PHLDB2: variants seen among roughly 807,000 people sequenced by gnomAD.
The protein encoded by PHLDB2 is pleckstrin homology-like domain family B member 2.
In PHLDB2, 71 loss-of-function variants were observed where a neutral mutation model predicts 123.6. That is an observed-to-expected ratio of 0.57 (90% confidence interval 0.47 to 0.70). PHLDB2 has a LOEUF of 0.70. PHLDB2 is among the 30% of genes least tolerant of loss of function. The probability of loss-of-function intolerance (pLI) is 0.00; values close to 1 mark genes in which losing one functional copy is unlikely to be tolerated. For missense variants in PHLDB2, 1,446 were observed against 1,519.5 expected, an observed-to-expected ratio of 0.95 and a Z score of 0.80; for synonymous variants, 547 against 541.6, an observed-to-expected ratio of 1.01 and a Z score of -0.14.
At chr3:111,919,295 G>A in intron 4 of PHLDB2, 80 bp downstream of exon 4, 1 of 1,449,392 alleles carries the variant, frequency 6.9e-7, no homozygotes, top group Non-Finnish European at 9.6e-7. Context: ...AATAGGCTTT[G>A]GAGGCCAGAT....
At chr3:111,918,544 C>G (rs973350525) in intron 3 of PHLDB2, among the ~76,000 whole-genome samples, 23 of 152,186 alleles carry the variant, frequency 1.5e-4, no homozygotes, top group African/African-American at 5.3e-4. Flanking sequence ...AATACATAAG[C>G]ATGAATGCTC....
chr3:111,902,318 A>G (rs2107452348), intron 2 of PHLDB2, among the ~76,000 whole-genome samples: 1 of 152,290 alleles, frequency 6.6e-6, no homozygotes, highest in East Asian at 1.9e-4. Flanking sequence ...TAGGCTGGGC[A>G]TGGTAGCTCA....
chr3:111,958,246 CTCT>C lies in PHLDB2; in HGVS notation c.2873-3855_2873-3853del, dbSNP rs1559922650. The C allele has an allele frequency of 6.1e-6, 6 of 986,512 alleles. No individual in the cohort carries two copies. The East Asian group carries it at 3.4e-4, about 56-fold the overall frequency. 61.1% of individuals were successfully genotyped at this position (986,512 alleles called of 1,614,324 possible). A position where few individuals can be genotyped will look rare whatever the true frequency, so the allele number is the denominator to read the frequency against. On this transcript the variant is annotated intron_variant, in intron 12 of 17. Transcript: ENST00000431670. ...CTTCATTCCTGACTTGTCCTGTGCC[CTCT>C]TCTTCTGGCTGTGGACTGTCATTAG...
intron 1 of PHLDB2, among the ~76,000 whole-genome samples, chr3:111,834,582 T>G (rs1015519986): frequency 6.6e-6 from 1 of 151,794 alleles, no homozygotes; most frequent in Admixed American, 6.6e-5. Flanking sequence ...CAAACAAGGA[T>G]GCAGTAAATA....
chr3:111,893,464 C>T (rs2107386188), intron 2 of PHLDB2, among the ~76,000 whole-genome samples: 1 of 152,098 alleles, frequency 6.6e-6, no homozygotes, highest in East Asian at 1.9e-4. Flanking sequence ...AACTTAGTGG[C>T]TCAAGACTTT....
At chr3:111,861,851 G>A (rs139199795) in intron 1 of PHLDB2, among the ~76,000 whole-genome samples, 396 of 152,226 alleles carry the variant, frequency 2.6e-3, no homozygotes, top group African/African-American at 9.3e-3. Flanking sequence ...TTTCTTCAAA[G>A]CTCCATTTTG....
intron 1 of PHLDB2, among the ~76,000 whole-genome samples, chr3:111,740,404 T>A (rs1044637060): frequency 2.6e-5 from 4 of 152,120 alleles, no homozygotes; most frequent in Non-Finnish European, 4.4e-5. Flanking sequence ...CACCAGGGGA[T>A]ATCTGGTAAT....
chr3:111,807,720 C>T (rs1660820592), intron 1 of PHLDB2, among the ~76,000 whole-genome samples: 2 of 151,980 alleles, frequency 1.3e-5, no homozygotes, highest in Admixed American at 6.6e-5. Context: ...GATGGACCCA[C>T]TGCACTACAG....
At chr3:111,736,111 T>C (rs1338093635) in intron 1 of PHLDB2, among the ~76,000 whole-genome samples, 2 of 152,158 alleles carry the variant, frequency 1.3e-5, no homozygotes, top group Non-Finnish European at 2.9e-5. Context: ...TCCTCTCCTC[T>C]AGAAAAGGAA....
At chr3:111,860,354 G>A (rs1029464094) in intron 1 of PHLDB2, among the ~76,000 whole-genome samples, 1 of 151,070 alleles carries the variant, frequency 6.6e-6, no homozygotes, top group Non-Finnish European at 1.5e-5. Flanking sequence ...TTTGGCCTTT[G>A]ACCCCCCACT....
At chr3:111,890,523 T>C (rs1474074823) in intron 2 of PHLDB2, among the ~76,000 whole-genome samples, 1 of 152,224 alleles carries the variant, frequency 6.6e-6, no homozygotes, top group Admixed American at 6.5e-5. Context: ...GCAACTCTTA[T>C]ATAAATGAAG....
At chr3:111,911,795 G>C (rs2067900495) in intron 2 of PHLDB2, 2 of 1,327,356 alleles carry the variant, frequency 1.5e-6, no homozygotes, top group Non-Finnish European at 2.1e-6. Context: ...TTTTTGTTGG[G>C]GGATTACTTT....
chr3:111,785,760 G>C (rs1378351225), intron 1 of PHLDB2, among the ~76,000 whole-genome samples: 2 of 152,084 alleles, frequency 1.3e-5, no homozygotes, highest in Non-Finnish European at 2.9e-5. Flanking sequence ...TCATCTGTTA[G>C]ACCACTTCTA....
intron 4 of PHLDB2, among the ~76,000 whole-genome samples, chr3:111,919,863 G>A (rs888100623): frequency 1.5e-4 from 23 of 152,186 alleles, no homozygotes; most frequent in African/African-American, 5.3e-4. Flanking sequence ...GACGCTGGAA[G>A]CCCCTCCTGC....
chr3:111,746,257 G>T (rs1467288422), intron 1 of PHLDB2, among the ~76,000 whole-genome samples: 1 of 152,156 alleles, frequency 6.6e-6, no homozygotes, highest in Non-Finnish European at 1.5e-5. Context: ...TTCCTACTGA[G>T]AGAACACAGA....
At chr3:111,738,666 CTG>C (rs1261109924) in intron 1 of PHLDB2, among the ~76,000 whole-genome samples, 5 of 151,928 alleles carry the variant, frequency 3.3e-5, no homozygotes, top group African/African-American at 1.2e-4. Flanking sequence ...GTGTATGTAT[CTG>C]TGTGTGTATG....
rs907308661 is a variant in PHLDB2 at position 111,859,456 on chromosome 3, G to A, written c.-135G>A. 1.6e-4 allele frequency: 159 copies of A among 985,538 alleles called. No homozygotes were observed. In the African/African-American group the frequency reaches 2.6e-3, roughly 16 times the overall value. The allele number at this position is 985,538 out of a possible 1,614,324, so 61.0% of individuals were successfully genotyped here. A position where few individuals can be genotyped will look rare whatever the true frequency, so the allele number is the denominator to read the frequency against. ...AAGGGGGTCAAGAGTGCCGGACCCA[G>A]CCGCGCGGAGCCCACCATTGCGGCC... On this transcript the variant is annotated 5_prime_UTR_variant, in exon 1 of 18. Transcript: ENST00000431670.
At chr3:111,875,411 A>G (rs1463392291) in intron 1 of PHLDB2, among the ~76,000 whole-genome samples, 1 of 151,992 alleles carries the variant, frequency 6.6e-6, no homozygotes, top group African/African-American at 2.4e-5. Context: ...GGGCCTCCCA[A>G]AGTGCTGGGA....
intron 1 of PHLDB2, among the ~76,000 whole-genome samples, chr3:111,757,331 G>C (rs1334758100): frequency 6.6e-6 from 1 of 152,050 alleles, no homozygotes. Context: ...CATATTTCTG[G>C]GAGGCTTTGT....
Sources: allele counts gnomAD v4.1 joint callset (sites outside exome capture counted in the v4.1 genomes callset), GRCh38; gene constraint gnomAD v4.1.1; transcripts MANE v1.5; gene names NCBI Gene and HGNC (gene_info 2026-07-23, HGNC 2026-07-21).